The following RAPSN variants were observed in gnomAD, a reference collection of about 807,000 sequenced individuals.
RAPSN encodes the protein 43 kDa receptor-associated protein of the synapse.
A neutral mutation model predicts 45.7 loss-of-function variants in RAPSN; 33 were observed. The observed-to-expected ratio is 0.72, with a 90% CI of 0.55 to 0.97. RAPSN has a LOEUF of 0.97. RAPSN is among the 50% of genes least tolerant of loss of function. The pLI is 0.00. For missense variants in RAPSN, 519 were observed against 559.4 expected, an observed-to-expected ratio of 0.93 and a Z score of 0.73; for synonymous variants, 244 against 233.6, an observed-to-expected ratio of 1.04 and a Z score of -0.40.
In RAPSN at chr11:47,441,921, C is replaced by T; in HGVS notation, c.691G>A (p.Glu231Lys). Reference protein sequence around the residue: ...RLGSAMECCEESMKIALQHGD... With the variant: ...RLGSAMECCEKSMKIALQHGD... The stretch of plus-strand genomic sequence containing the variant: ...TGCTGCAGCGCGATCTTCATAGACT[C>T]CTGCGAGGGAGGCCAGTGGCTCAGG... The change falls in exon 4 of 8, where the codon GAG becomes AAG. Residue 231 changes from glutamate (E) to lysine (K), a missense_variant and splice_region_variant. By Grantham distance (56) the Glu-to-Lys change is moderately conservative (BLOSUM62 1). Coordinates refer to ENST00000298854, the MANE Select transcript of RAPSN (RefSeq NM_005055.5). 1.3e-6 allele frequency: 2 copies of T among 1,514,138 alleles called. No individual in the cohort carries two copies. Among genetic ancestry groups the T allele is most frequent in the South Asian group, 2.4e-5 (2 of 83,280 alleles). The allele number at this position is 1,514,138 out of a possible 1,614,324, so 93.8% of individuals were successfully genotyped here.
At chr11:47,447,458 A>T (rs2076416203) in intron 2 of RAPSN, among the ~76,000 whole-genome samples, 1 of 152,166 alleles carries the variant, frequency 6.6e-6, no homozygotes, top group African/African-American at 2.4e-5. Context: ...CTGTAAGGTG[A>T]GTCCTATTCT....
intron 5 of RAPSN, 59 bp downstream of exon 5, chr11:47,441,552 C>T (rs2076362597): frequency 6.3e-7 from 1 of 1,598,018 alleles, no homozygotes. Context: ...GGCTAACCTA[C>T]TGGCCCCAAG....
At position 47,448,861 on chromosome 11, in the gene RAPSN, T is replaced by C; in HGVS notation, c.104A>G (p.Lys35Arg). ...GAAGCGCCCCATGAGGTCCGAGCTCTTCTCCAGCACCTTTGTCCACACCTG... is the reference window on the plus strand; with the variant it reads ...GAAGCGCCCCATGAGGTCCGAGCTCCTCTCCAGCACCTTTGTCCACACCTG... ...ALQVWTKVLEKSSDLMGRFRV... is the reference protein window; with the variant it reads ...ALQVWTKVLERSSDLMGRFRV... The change falls in exon 1 of 8, where the codon AAG (lysine) becomes AGG (arginine). Residue 35 changes from lysine to arginine, a missense_variant. Transcript: ENST00000298854. The C allele has an allele frequency of 6.2e-7, 1 of 1,614,202 alleles. No homozygotes were observed. The highest frequency in any genetic ancestry group is 2.2e-5 in the East Asian group (1 of 44,870).
chr11:47,439,951 G>A (rs891701596), intron 6 of RAPSN, among the ~76,000 whole-genome samples: 2 of 151,878 alleles, frequency 1.3e-5, no homozygotes, highest in South Asian at 2.1e-4. Flanking sequence ...TGCCCACCTC[G>A]GCCTCCCAAA....
chr11:47,438,582 C>T, intron 7 of RAPSN, 150 bp downstream of exon 7: 2 of 954,484 alleles, frequency 2.1e-6, no homozygotes, highest in Admixed American at 2.5e-5. Context: ...CTCGGCCTCC[C>T]AAAGTGCTTG....
chr11:47,438,877 GC>G lies in RAPSN; in HGVS notation c.1020del (p.Leu341CysfsTer10). 9 of 1,565,282 alleles carry G rather than the reference GC, an allele frequency of 5.7e-6. No homozygotes were observed. Among genetic ancestry groups the G allele is most frequent in the Non-Finnish European group, 6.9e-6 (8 of 1,154,246 alleles). On this transcript the variant is annotated frameshift_variant, in exon 7 of 8. Transcript: ENST00000298854. LOFTEE classifies it high-confidence loss of function. The stretch of plus-strand genomic sequence containing the variant: ...ACGTGCGCCCGCAGTTCCCGCTGCA[GC>G]CCTTTGCTGCGGTAAATGCTCTCGC... Reference protein sequence around the residue: ...CLSESIYRSKGLQRELRAHVV... With the variant: ...CLSESIYRSKXLQRELRAHVV...
intron 2 of RAPSN, among the ~76,000 whole-genome samples, chr11:47,446,937 C>T (rs2076410732): frequency 6.6e-6 from 1 of 152,114 alleles, no homozygotes. Flanking sequence ...AGGATCAGAA[C>T]CTGCTGTGGC....
chr11:47,440,778 C>CT (rs1160847649), intron 6 of RAPSN, among the ~76,000 whole-genome samples: 1 of 152,004 alleles, frequency 6.6e-6, no homozygotes, highest in Admixed American at 6.6e-5. Flanking sequence ...CTTTTCTTTT[C>CT]TTTTTTAGAG....
Position 47,442,823 on chromosome 11 carries a change from G to T in RAPSN, c.532-9C>A. The stretch of plus-strand genomic sequence containing the variant: ...AGGGCTTTCTCGTAGTCCTGCAGGG[G>T]ACATGGAATGGAAGGAGGCAAACTG... On this transcript the variant is annotated splice_polypyrimidine_tract_variant and intron_variant, in intron 2 of 7. Transcript: ENST00000298854. 6.2e-7 allele frequency: 1 copy of T among 1,613,788 alleles called. No individual in the cohort carries two copies. The highest frequency in any genetic ancestry group is 8.5e-7 in the Non-Finnish European group (1 of 1,180,044).
chr11:47,447,834 C>T lies in RAPSN; in HGVS notation c.509G>A (p.Gly170Asp). The change falls in exon 2 of 8, where the codon GGC becomes GAC. Residue 170 changes from glycine to aspartate, a missense_variant. Physicochemically the swap from Gly to Asp is moderately conservative, Grantham distance 94 (BLOSUM62 -1). Coordinates refer to ENST00000298854, the MANE Select transcript of RAPSN (RefSeq NM_005055.5). ...CACCTTGACCTGGGCATAGAAGCTGCCCAGGCTGCAGCACACGCGGCACTC... is the reference window on the plus strand; with the variant it reads ...CACCTTGACCTGGGCATAGAAGCTGTCCAGGCTGCAGCACACGCGGCACTC... Reference protein sequence around the residue: ...MLECRVCCSLGSFYAQVKDYE... With the variant: ...MLECRVCCSLDSFYAQVKDYE... 3 of 1,612,932 alleles carry T rather than the reference C, an allele frequency of 1.9e-6. No homozygotes were observed. Among genetic ancestry groups the T allele is most frequent in the Non-Finnish European group, 2.5e-6 (3 of 1,179,656 alleles).
At position 47,438,731 on chromosome 11, in the gene RAPSN, C is replaced by G. The variant is rs1325133502; in HGVS notation, c.1166+1G>C. The G allele has an allele frequency of 3.2e-6, 5 of 1,560,356 alleles. No homozygotes were observed. In the South Asian group the frequency reaches 5.9e-5, roughly 18 times the overall value. On this transcript the variant is annotated splice_donor_variant, in intron 7 of 7. Coordinates refer to ENST00000298854, the MANE Select transcript of RAPSN (RefSeq NM_005055.5). LOFTEE classifies it high-confidence loss of function. ...CTGTCCACCCCCCCAGGAGCCCCCA[C>G]CTGAGGTGGAAGATGTGGGAGCAAG...
In RAPSN at chr11:47,441,140, A is replaced by G. The variant is rs747980188; in HGVS notation, c.966+19T>C. On this transcript the variant is annotated intron_variant, in intron 6 of 7. Coordinates refer to ENST00000298854, the MANE Select transcript of RAPSN (RefSeq NM_005055.5). The stretch of plus-strand genomic sequence containing the variant: ...TTGGGCCCTTGACCCCAGATCCAGG[A>G]CACAGAATCAAGTCTGACCTTGTTC... The G allele has an allele frequency of 6.2e-7, 1 of 1,613,960 alleles. No individual in the cohort carries two copies. Among genetic ancestry groups the G allele is most frequent in the East Asian group, 2.2e-5 (1 of 44,862 alleles).
chr11:47,446,628 G>A (rs1029228688), intron 2 of RAPSN, among the ~76,000 whole-genome samples: 4 of 152,132 alleles, frequency 2.6e-5, no homozygotes, highest in African/African-American at 4.8e-5. Flanking sequence ...AGGGTTGGCC[G>A]GGTGCGGTGG....
chr11:47,441,318 GC>G (rs2076360348), intron 5 of RAPSN, 106 bp from the exon 6 acceptor site: 2 of 1,447,766 alleles, frequency 1.4e-6, no homozygotes. Context: ...TGACATGGCA[GC>G]TGCCTTGTGT....
rs534487032 is a variant in RAPSN, at chr11:47,441,642, T to C, written c.881A>G (p.Lys294Arg). 2.5e-6 allele frequency: 4 copies of C among 1,608,972 alleles called. No homozygotes were observed. In the Admixed American group the frequency reaches 5.0e-5, roughly 20 times the overall value. Residue 294 changes from lysine to arginine, a missense_variant, in exon 5 of 8, where the codon AAG (lysine) becomes AGG (arginine). By Grantham distance (26) the Lys-to-Arg change is conservative. Coordinates refer to ENST00000298854, the MANE Select transcript of RAPSN (RefSeq NM_005055.5). ...CAGCGCCTTCCTGGCCACCCAGCAC[T>C]TGGCCACACCCAGCAGCGCCTGCAC... ...GQVQALLGVA[K>R]CWVARKALDK...
At chr11:47,444,538 CA>C (rs1257417599) in intron 2 of RAPSN, among the ~76,000 whole-genome samples, 1 of 147,344 alleles carries the variant, frequency 6.8e-6, no homozygotes, top group African/African-American at 2.5e-5. Flanking sequence ...GATCCTGTCT[CA>C]AAAAAAAACA....
In RAPSN at chr11:47,441,223, A is replaced by G; in HGVS notation, c.913-11T>C. 6.2e-7 allele frequency: 1 copy of G among 1,613,536 alleles called. No individual in the cohort carries two copies. The highest frequency in any genetic ancestry group is 1.6e-4 in the Middle Eastern group (1 of 6,062). ...GATGGCATCCAGAGCCTGGAAGGTG[A>G]GCATAGGCCAGGGCTGCGGGCAGAG... On this transcript the variant is annotated splice_polypyrimidine_tract_variant and intron_variant, in intron 5 of 7. Transcript: ENST00000298854.
rs752783661 is a variant in RAPSN, at chr11:47,448,768, C to T, written c.192+5G>A. On this transcript the variant is annotated splice_donor_5th_base_variant and intron_variant, in intron 1 of 7. Transcript: ENST00000298854. ...CTCGAACGCCCCCAGGCCGGGTACA[C>T]CCACCTTCAGCATCTCCTTGTAGCG... 2 of 1,608,302 alleles carry T rather than the reference C, an allele frequency of 1.2e-6. No homozygotes were observed. Among genetic ancestry groups the T allele is most frequent in the East Asian group, 2.2e-5 (1 of 44,894 alleles).
chr11:47,448,743 C>A, intron 1 of RAPSN, 30 bp downstream of exon 1: 1 of 1,603,224 alleles, frequency 6.2e-7, no homozygotes, highest in Non-Finnish European at 8.5e-7. Flanking sequence ...CAGCCTGACC[C>A]TCGAACGCCC....
Sources: gnomAD v4.1 joint callset for allele counts (sites outside exome capture counted in the v4.1 genomes callset) on GRCh38, gnomAD v4.1.1 for gene constraint, MANE v1.5 for transcripts, NCBI Gene and HGNC (gene_info 2026-07-23, HGNC 2026-07-21) for gene names.